Variants in BRINP3 observed in about 807,000 individuals in gnomAD.
BRINP3 encodes the protein BMP/retinoic acid inducible neural specific 3.
BRINP3 carries 19 observed loss-of-function variants against 71.0 expected under a neutral mutation model. The observed-to-expected ratio is 0.27, with a 90% CI of 0.19 to 0.39. The LOEUF (loss-of-function observed/expected upper bound fraction) is 0.39. BRINP3 is among the 10% of genes least tolerant of loss of function. BRINP3 has a pLI of 1.00. For missense variants in BRINP3, 959 were observed against 940.8 expected, an observed-to-expected ratio of 1.02 and a Z score of -0.25; for synonymous variants, 380 against 337.7, an observed-to-expected ratio of 1.13 and a Z score of -1.37.
At chr1:190,431,356 A>T (rs1674087734) in intron 2 of BRINP3, among the ~76,000 whole-genome samples, 1 of 151,870 alleles carries the variant, frequency 6.6e-6, no homozygotes. Flanking sequence ...TTTTAAATTT[A>T]TTTTTATTTA....
intron 4 of BRINP3, among the ~76,000 whole-genome samples, chr1:190,252,291 G>C (rs2102819772): frequency 6.6e-6 from 1 of 152,176 alleles, no homozygotes; most frequent in Non-Finnish European, 1.5e-5. Flanking sequence ...TAGTTTAGCT[G>C]TGCTGTGATC....
chr1:190,158,659 T>G (rs767754544), intron 7 of BRINP3, among the ~76,000 whole-genome samples: 1 of 151,670 alleles, frequency 6.6e-6, no homozygotes, highest in South Asian at 2.1e-4. Flanking sequence ...AAGGTGAAAA[T>G]TCTCAAATTA....
intron 2 of BRINP3, among the ~76,000 whole-genome samples, chr1:190,309,630 A>G (rs1307757794): frequency 1.3e-5 from 2 of 151,808 alleles, no homozygotes; most frequent in African/African-American, 4.8e-5. Context: ...GTTATACTCT[A>G]TATTGAACCC....
At chr1:190,429,774 C>T (rs779720303) in intron 2 of BRINP3, among the ~76,000 whole-genome samples, 7 of 151,502 alleles carry the variant, frequency 4.6e-5, no homozygotes, top group East Asian at 2.0e-4. Context: ...TATTTTTAGT[C>T]GAGACAGTTT....
chr1:190,354,263 T>C (rs1281686292), intron 2 of BRINP3, among the ~76,000 whole-genome samples: 1 of 152,016 alleles, frequency 6.6e-6, no homozygotes, highest in Admixed American at 6.6e-5. Context: ...ATGTTTAATG[T>C]TTAATTATCA....
At chr1:190,323,968 A>T (rs1229497031) in intron 2 of BRINP3, among the ~76,000 whole-genome samples, 1 of 152,048 alleles carries the variant, frequency 6.6e-6, no homozygotes, top group Non-Finnish European at 1.5e-5. Flanking sequence ...TGCTTCTGGC[A>T]TTACAGAGAG....
chr1:190,419,279 C>G (rs1269772697), intron 2 of BRINP3, among the ~76,000 whole-genome samples: 3 of 151,908 alleles, frequency 2.0e-5, no homozygotes, highest in Non-Finnish European at 2.9e-5. Context: ...TTGCAAGACA[C>G]CAATTTATGA....
intron 7 of BRINP3, among the ~76,000 whole-genome samples, chr1:190,140,161 T>C (rs760180149): frequency 6.6e-6 from 1 of 152,218 alleles, no homozygotes; most frequent in Non-Finnish European, 1.5e-5. Flanking sequence ...AATTTGAGTA[T>C]TTTTTATTTT....
At chr1:190,273,116 G>T (rs750865964) in intron 3 of BRINP3, among the ~76,000 whole-genome samples, 10 of 149,068 alleles carry the variant, frequency 6.7e-5, no homozygotes, top group Non-Finnish European at 7.5e-5. Context: ...ACAGTTGTTT[G>T]AGAATTTTAC....
chr1:190,366,424 C>G (rs1284405687), intron 2 of BRINP3, among the ~76,000 whole-genome samples: 1 of 152,114 alleles, frequency 6.6e-6, no homozygotes, highest in East Asian at 1.9e-4. Flanking sequence ...CCCACTGGGT[C>G]CCTCCCATGA....
chr1:190,354,684 A>G (rs1427957267), intron 2 of BRINP3, among the ~76,000 whole-genome samples: 1 of 150,642 alleles, frequency 6.6e-6, no homozygotes, highest in Admixed American at 6.6e-5. Flanking sequence ...CTCACTAAAT[A>G]TTTTTTGTTC....
chr1:190,206,916 C>T (rs1253691325), intron 6 of BRINP3, among the ~76,000 whole-genome samples: 1 of 150,146 alleles, frequency 6.7e-6, no homozygotes, highest in Admixed American at 6.7e-5. Flanking sequence ...AGGCAGTAGG[C>T]CTCCAGAGAG....
intron 2 of BRINP3, among the ~76,000 whole-genome samples, chr1:190,342,157 A>G (rs1262081774): frequency 2.0e-5 from 3 of 151,198 alleles, no homozygotes; most frequent in Non-Finnish European, 4.4e-5. Context: ...TCCCATTTCT[A>G]CTTATAAGAA....
In BRINP3 at chr1:190,131,073, CCTAA is replaced by C. The variant is rs1401806115; in HGVS notation, c.1184+29591_1184+29594del. 2.7e-5 allele frequency among the ~76,000 whole-genome samples: 4 copies of C among 150,376 alleles called. No individual in the cohort carries two copies. In the East Asian group the frequency reaches 8.0e-4, roughly 30 times the overall value. On this transcript the variant is annotated intron_variant, in intron 7 of 7. Transcript: ENST00000367462. ...GAGTCTATTTGTTCTATCAGCTTGC[CCTAA>C]CTGATTCAGATAGATATTATTATCC...
At chr1:190,401,200 A>G (rs1671896909) in intron 2 of BRINP3, among the ~76,000 whole-genome samples, 1 of 151,904 alleles carries the variant, frequency 6.6e-6, no homozygotes, top group African/African-American at 2.4e-5. Flanking sequence ...TTTACCAAAA[A>G]CATGAAAATT....
intron 6 of BRINP3, among the ~76,000 whole-genome samples, chr1:190,215,566 T>A (rs116612016): frequency 0.016 from 2,469 of 152,072 alleles, 83 homozygotes; most frequent in African/African-American, 0.055. Flanking sequence ...TTTAAAAAAA[T>A]TTATTTTTTC....
chr1:190,470,727 T>C (rs1195217299), intron 1 of BRINP3, among the ~76,000 whole-genome samples: 2 of 151,130 alleles, frequency 1.3e-5, no homozygotes, highest in Non-Finnish European at 3.0e-5. Flanking sequence ...ATTGATACAA[T>C]CATGGTTGAA....
intron 2 of BRINP3, among the ~76,000 whole-genome samples, chr1:190,373,023 CA>C (rs1669958898): frequency 6.6e-6 from 1 of 151,946 alleles, no homozygotes; most frequent in South Asian, 2.1e-4. Context: ...TAAATATCCC[CA>C]AGACATTAAA....
intron 7 of BRINP3, among the ~76,000 whole-genome samples, chr1:190,125,990 G>A (rs1654055147): frequency 8.3e-6 from 1 of 119,866 alleles, no homozygotes. Context: ...GCTATAAAAG[G>A]CCTTCCTAAC....
Sources: allele counts gnomAD v4.1 joint callset (sites outside exome capture counted in the v4.1 genomes callset), GRCh38; gene constraint gnomAD v4.1.1; transcripts MANE v1.5; gene names NCBI Gene and HGNC (gene_info 2026-07-23, HGNC 2026-07-21).